Variants in TBC1D23 observed in about 807,000 individuals in gnomAD.
TBC1D23 encodes HCV non-structural protein 4A-transactivated protein 1.
Under a neutral mutation model 91.4 loss-of-function variants are expected in TBC1D23, and 55 were observed. The ratio of observed to expected loss-of-function variants is 0.60; its 90% confidence interval spans 0.48 to 0.75. TBC1D23 has a LOEUF of 0.75. Ranked by LOEUF, TBC1D23 falls within the 30% of genes least tolerant of loss-of-function variation. TBC1D23 has a pLI of 0.00. For synonymous variants in TBC1D23, 289 were observed against 281.0 expected, an observed-to-expected ratio of 1.03 and a Z score of -0.28; for missense variants, 725 against 836.1, an observed-to-expected ratio of 0.87 and a Z score of 1.64.
At chr3:100,293,913 A>T (rs2067815239) in intron 5 of TBC1D23, among the ~76,000 whole-genome samples, 1 of 152,176 alleles carries the variant, frequency 6.6e-6, no homozygotes, top group African/African-American at 2.4e-5. Flanking sequence ...GATATTTTTA[A>T]TGATACGTGA....
chr3:100,303,226 A>G (rs1420105903), intron 11 of TBC1D23, among the ~76,000 whole-genome samples: 2 of 152,186 alleles, frequency 1.3e-5, no homozygotes, highest in African/African-American at 2.4e-5. Context: ...GCAAGATGGT[A>G]GGCATGGTAC....
intron 14 of TBC1D23, among the ~76,000 whole-genome samples, chr3:100,311,446 A>G (rs895088148): frequency 6.6e-6 from 1 of 152,190 alleles, no homozygotes; most frequent in Admixed American, 6.5e-5. Flanking sequence ...TCAACTGATA[A>G]TTACTAAGGT....
intron 1 of TBC1D23, among the ~76,000 whole-genome samples, chr3:100,274,751 A>C (rs893334544): frequency 6.7e-6 from 1 of 148,512 alleles, no homozygotes; most frequent in Non-Finnish European, 1.5e-5. Flanking sequence ...GCTGTATAAT[A>C]GTCCATTATA....
chr3:100,269,966 T>G (rs2067587787), intron 1 of TBC1D23, among the ~76,000 whole-genome samples: 1 of 152,202 alleles, frequency 6.6e-6, no homozygotes, highest in Non-Finnish European at 1.5e-5. Flanking sequence ...TATACCTGAT[T>G]AGGATATGTA....
chr3:100,283,975 T>G, intron 4 of TBC1D23, 164 bp downstream of exon 4: 2 of 543,276 alleles, frequency 3.7e-6, no homozygotes, highest in South Asian at 5.8e-5. Context: ...TTATAAACAT[T>G]TTTTAAAAGA....
At position 100,275,477 on chromosome 3, in the gene TBC1D23, G is replaced by C. The variant is rs1032052707; in HGVS notation, c.54-4172G>C. 2.0e-5 allele frequency among the ~76,000 whole-genome samples: 3 copies of C among 151,992 alleles called. No homozygotes were observed. In the East Asian group the frequency reaches 5.8e-4, roughly 29 times the overall value. ...TAATTTTTGTACTTTTTGTGGAAAT[G>C]GGTTTTTTCCATGTTGCCCAGGCTG... is the stretch of plus-strand genomic sequence containing the variant. On this transcript the variant is annotated intron_variant, in intron 1 of 18. Coordinates refer to ENST00000394144, the MANE Select transcript of TBC1D23 (RefSeq NM_001199198.3).
At chr3:100,321,391 C>T (rs1353016503) in intron 18 of TBC1D23, among the ~76,000 whole-genome samples, 6 of 152,094 alleles carry the variant, frequency 3.9e-5, no homozygotes. Context: ...GTACAAGCCC[C>T]CCTTTGTCTC....
At chr3:100,289,274 A>C (rs1034431540) in intron 4 of TBC1D23, among the ~76,000 whole-genome samples, 1 of 152,184 alleles carries the variant, frequency 6.6e-6, no homozygotes, top group Non-Finnish European at 1.5e-5. Context: ...ATCCAGTAAG[A>C]TCCACTACCA....
At position 100,295,326 on chromosome 3, in the gene TBC1D23, A is replaced by G. The variant is rs758742128; in HGVS notation, c.750A>G (p.Ser250=). ...NAKEVILTQE[S]DSKEEVIKFL... is the part of the protein sequence containing the mutation. ...GAGAAGTTATTTTAACACAAGAGTC[A>G]GACAGCAAAGAAGAAGTTATCAGTA... The change falls in exon 7 of 19, where the codon TCA becomes TCG. Residue 250 remains serine (S), a synonymous_variant. Coordinates refer to ENST00000394144, the MANE Select transcript of TBC1D23 (RefSeq NM_001199198.3). 3.2e-5 allele frequency: 51 copies of G among 1,609,976 alleles called. No homozygotes were observed. The highest frequency in any genetic ancestry group is 3.8e-5 in the Non-Finnish European group (45 of 1,178,296).
At chr3:100,271,978 CA>C (rs1244680790) in intron 1 of TBC1D23, among the ~76,000 whole-genome samples, 3 of 152,184 alleles carry the variant, frequency 2.0e-5, no homozygotes, top group Non-Finnish European at 2.9e-5. Flanking sequence ...AGTGAAGCCA[CA>C]TGAAGGCTTT....
At chr3:100,267,347 T>G (rs1279044414) in intron 1 of TBC1D23, 2 of 367,516 alleles carry the variant, frequency 5.4e-6, no homozygotes, top group Admixed American at 3.7e-5. Flanking sequence ...TTAATGTCTG[T>G]TTGTTTCAAG....
chr3:100,298,085 T>G (rs1423533133), intron 9 of TBC1D23, 40 bp downstream of exon 9: 1 of 1,580,262 alleles, frequency 6.3e-7, no homozygotes, highest in African/African-American at 1.4e-5. Context: ...GACTGTTCAT[T>G]TTAAATACAA....
rs1183589252 is a variant in TBC1D23, at chr3:100,297,125, G to A, written c.877-798G>A. On this transcript the variant is annotated intron_variant, in intron 8 of 18. Coordinates refer to ENST00000394144, the MANE Select transcript of TBC1D23 (RefSeq NM_001199198.3). ...AAAGCTAATAGTGGAAGAGGCACAA[G>A]TTTATAAAGCAGACAGGTTTGTATG... Among the ~76,000 whole-genome samples, 5 of 152,124 alleles carry A rather than the reference G, an allele frequency of 3.3e-5. No individual in the cohort carries two copies. The South Asian group carries it at 8.3e-4, about 25-fold the overall frequency.
chr3:100,283,353 G>A (rs1372465657), intron 3 of TBC1D23, among the ~76,000 whole-genome samples: 3 of 151,480 alleles, frequency 2.0e-5, no homozygotes, highest in Non-Finnish European at 4.4e-5. Flanking sequence ...CAGCCTGGGT[G>A]ACAAGCTAAA....
chr3:100,273,353 T>C lies in TBC1D23; in HGVS notation c.54-6296T>C, dbSNP rs149994500. Reference sequence around the variant, plus strand: ...TTAACAGCATCTCAAGGCAGAAGAATTTTTCTTAGTACAGAACAAAATGGA... The same window carrying C: ...TTAACAGCATCTCAAGGCAGAAGAACTTTTCTTAGTACAGAACAAAATGGA... On this transcript the variant is annotated intron_variant, in intron 1 of 18. Coordinates refer to ENST00000394144, the MANE Select transcript of TBC1D23 (RefSeq NM_001199198.3). Among the ~76,000 whole-genome samples the C allele has an allele frequency of 7.6e-3, 1,131 of 148,904 alleles. 18 individuals are homozygous for C. The highest frequency in any genetic ancestry group is 0.027 in the African/African-American group (1,083 of 40,730).
intron 8 of TBC1D23, among the ~76,000 whole-genome samples, chr3:100,296,860 CAA>C (rs71625559): frequency 2.3e-4 from 20 of 86,632 alleles, no homozygotes; most frequent in Admixed American, 2.4e-4. Context: ...GACTCTGTCT[CAA>C]AAAAAAAAAA....
rs193060352 is a variant in TBC1D23 at position 100,323,055 on chromosome 3, G to C, written c.2019-532G>C. 2.6e-3 allele frequency among the ~76,000 whole-genome samples: 401 copies of C among 152,160 alleles called. 5 individuals are homozygous for C. Among genetic ancestry groups the C allele is most frequent in the Non-Finnish European group, 2.0e-3 (139 of 67,984 alleles). Reference sequence around the variant, plus strand: ...AGTCTTATCTTTTTTAAATATTTCAGACCTCATAACGCCATTTTATTATGT... The same window carrying C: ...AGTCTTATCTTTTTTAAATATTTCACACCTCATAACGCCATTTTATTATGT... On this transcript the variant is annotated intron_variant, in intron 18 of 18. Transcript: ENST00000394144.
chr3:100,281,657 A>T, intron 2 of TBC1D23, 85 bp from the exon 3 acceptor site: 1 of 800,910 alleles, frequency 1.2e-6, no homozygotes, highest in Non-Finnish European at 2.1e-6. Context: ...TTATTTTTAA[A>T]TTCAGGCCTT....
chr3:100,319,616 C>T (rs1238535759), intron 17 of TBC1D23, among the ~76,000 whole-genome samples: 8 of 151,856 alleles, frequency 5.3e-5, no homozygotes, highest in African/African-American at 9.7e-5. Context: ...TTAGTAGAGA[C>T]GGGGTTTCTC....
Sources: gnomAD v4.1 joint callset for allele counts (sites outside exome capture counted in the v4.1 genomes callset) on GRCh38, gnomAD v4.1.1 for gene constraint, MANE v1.5 for transcripts, NCBI Gene and HGNC (gene_info 2026-07-23, HGNC 2026-07-21) for gene names.